Variants in DPP10 observed in about 807,000 individuals in gnomAD.
The protein encoded by DPP10 is inactive dipeptidyl peptidase 10.
A neutral mutation model predicts 120.9 loss-of-function variants in DPP10; 33 were observed. The observed-to-expected ratio is 0.27, with a 90% confidence interval of 0.21 to 0.37. The LOEUF is 0.37. Among genes scored for constraint, DPP10 ranks in the 10% least tolerant of loss-of-function variants. The pLI is 1.00. For synonymous variants in DPP10, 337 were observed against 326.1 expected, an observed-to-expected ratio of 1.03 and a Z score of -0.36; for missense variants, 816 against 942.8, an observed-to-expected ratio of 0.87 and a Z score of 1.76.
intron 1 of DPP10, 96 bp downstream of exon 1, chr2:114,442,934 T>TA: frequency 6.9e-7 from 1 of 1,450,946 alleles, no homozygotes; most frequent in South Asian, 1.2e-5. Flanking sequence ...ACAGTGGACA[T>TA]ACCTACTTGA....
At chr2:114,497,268 TGTACATGTATAC>T (rs1416684140) in intron 1 of DPP10, among the ~76,000 whole-genome samples, 4 of 53,862 alleles carry the variant, frequency 7.4e-5, no homozygotes, top group Non-Finnish European at 1.4e-4. Flanking sequence ...TGTGTATACA[TGTACATGTATAC>T]GTGTATACAT....
intron 1 of DPP10, among the ~76,000 whole-genome samples, chr2:115,264,416 A>T (rs1375427222): frequency 6.6e-6 from 1 of 152,190 alleles, no homozygotes; most frequent in Non-Finnish European, 1.5e-5. Context: ...AGGATAGGGC[A>T]GGATCGCATA....
At chr2:115,723,597 T>TTTGTTG (rs1047041857) in intron 7 of DPP10, among the ~76,000 whole-genome samples, 1 of 145,368 alleles carries the variant, frequency 6.9e-6, no homozygotes, top group African/African-American at 2.6e-5. Context: ...GTTGGTGTAT[T>TTTGTTG]TTGTTGTTGT....
chr2:114,993,213 T>C (rs1700848525), intron 1 of DPP10, among the ~76,000 whole-genome samples: 1 of 152,180 alleles, frequency 6.6e-6, no homozygotes, highest in African/African-American at 2.4e-5. Flanking sequence ...TCCCAGAACC[T>C]ACTCCTAGTA....
chr2:115,347,778 C>G (rs1396222990), intron 3 of DPP10, among the ~76,000 whole-genome samples: 2 of 152,022 alleles, frequency 1.3e-5, no homozygotes, highest in Non-Finnish European at 2.9e-5. Context: ...TGATGGTTTC[C>G]AGCATCATCC....
chr2:114,522,134 T>C (rs1373728855), intron 1 of DPP10, among the ~76,000 whole-genome samples: 1 of 148,554 alleles, frequency 6.7e-6, no homozygotes, highest in Non-Finnish European at 1.5e-5. Flanking sequence ...CGCCCGCCAC[T>C]ACACCCGGCT....
At chr2:114,502,671 T>A (rs1307783091) in intron 1 of DPP10, among the ~76,000 whole-genome samples, 1 of 152,148 alleles carries the variant, frequency 6.6e-6, no homozygotes, top group East Asian at 1.9e-4. Context: ...ACAAGCATAC[T>A]CCAATCGAAA....
chr2:115,836,584 A>G lies in DPP10; in HGVS notation c.2109+19A>G. The G allele has an allele frequency of 6.2e-7, 1 of 1,612,660 alleles. No homozygotes were observed. On this transcript the variant is annotated intron_variant, in intron 23 of 25. Transcript: ENST00000410059. Reference sequence around the variant, plus strand: ...TTACCAGGTAACTAATTTGAAAATAACAAAGAAAGAGGAGTATTTTTGTTC... The same window carrying G: ...TTACCAGGTAACTAATTTGAAAATAGCAAAGAAAGAGGAGTATTTTTGTTC...
At chr2:114,902,770 T>C (rs1693685772) in intron 1 of DPP10, among the ~76,000 whole-genome samples, 2 of 152,188 alleles carry the variant, frequency 1.3e-5, no homozygotes, top group South Asian at 4.1e-4. Flanking sequence ...GTGGCACATT[T>C]GTTACAACTG....
At chr2:115,230,804 A>G (rs2057699105) in intron 1 of DPP10, among the ~76,000 whole-genome samples, 1 of 152,068 alleles carries the variant, frequency 6.6e-6, no homozygotes, top group Non-Finnish European at 1.5e-5. Flanking sequence ...AATCCATAGT[A>G]TTCTAACATG....
In DPP10 at chr2:115,665,000, A is replaced by G. The variant is rs186876357; in HGVS notation, c.442-24687A>G. ...CTACGATATAGGGCAGCACACACTG[A>G]ACATTTATATCATTGAGGGAAGTTC... On this transcript the variant is annotated intron_variant, in intron 5 of 25. Transcript: ENST00000410059. Among the ~76,000 whole-genome samples the G allele has an allele frequency of 2.6e-5, 4 of 152,318 alleles. No homozygotes were observed. In the East Asian group the frequency reaches 7.7e-4, roughly 29 times the overall value.
chr2:115,023,507 T>G (rs1289753468), intron 1 of DPP10, among the ~76,000 whole-genome samples: 1 of 151,962 alleles, frequency 6.6e-6, no homozygotes, highest in Non-Finnish European at 1.5e-5. Flanking sequence ...GATGTTGTTG[T>G]GGATGTAGTG....
chr2:114,880,419 C>T (rs1691509922), intron 1 of DPP10, among the ~76,000 whole-genome samples: 1 of 152,154 alleles, frequency 6.6e-6, no homozygotes, highest in African/African-American at 2.4e-5. Context: ...CCAGTAGCTG[C>T]ATCAGCATAG....
intron 1 of DPP10, among the ~76,000 whole-genome samples, chr2:114,910,523 C>T (rs929481783): frequency 8.6e-5 from 13 of 151,964 alleles, no homozygotes; most frequent in East Asian, 1.9e-4. Context: ...TTTTAAAACA[C>T]GTTTTCTCAT....
At chr2:115,808,637 C>T (rs1435728287) in intron 19 of DPP10, among the ~76,000 whole-genome samples, 1 of 152,202 alleles carries the variant, frequency 6.6e-6, no homozygotes, top group Non-Finnish European at 1.5e-5. Context: ...TGGACCTGGG[C>T]TCAACTCAGT....
chr2:114,850,996 A>G (rs904199518), intron 1 of DPP10, among the ~76,000 whole-genome samples: 2 of 152,172 alleles, frequency 1.3e-5, no homozygotes, highest in Non-Finnish European at 2.9e-5. Context: ...AATAGTTAGA[A>G]CAAGAAATGT....
At chr2:115,477,407 A>C (rs1437103840) in intron 3 of DPP10, among the ~76,000 whole-genome samples, 1 of 152,182 alleles carries the variant, frequency 6.6e-6, no homozygotes, top group South Asian at 2.1e-4. Context: ...TTCTATTTGT[A>C]GTAGCACCAA....
intron 1 of DPP10, among the ~76,000 whole-genome samples, chr2:114,771,024 T>C (rs145217584): frequency 6.6e-6 from 1 of 152,318 alleles, no homozygotes; most frequent in African/African-American, 2.4e-5. Context: ...GTTTAATTGA[T>C]ATAAAAGTCT....
At chr2:115,751,837 C>T (rs1409593829) in intron 10 of DPP10, among the ~76,000 whole-genome samples, 5 of 145,704 alleles carry the variant, frequency 3.4e-5, no homozygotes, top group Admixed American at 6.9e-5. Context: ...CTTGCTCTGT[C>T]GCCCAGGCTG....
Sources: gnomAD v4.1 joint callset for allele counts (sites outside exome capture counted in the v4.1 genomes callset) on GRCh38, gnomAD v4.1.1 for gene constraint, MANE v1.5 for transcripts, NCBI Gene and HGNC (gene_info 2026-07-23, HGNC 2026-07-21) for gene names.